Variants in MTERF3 observed in about 807,000 individuals in gnomAD.
The protein encoded by MTERF3 is transcription termination factor 3, mitochondrial.
In MTERF3, 40 loss-of-function variants were observed where a neutral mutation model predicts 40.5. That is an observed-to-expected ratio of 0.99 (90% CI 0.77 to 1.29). MTERF3 has a LOEUF of 1.29. Ranked by LOEUF, MTERF3 falls within the 50% of genes most tolerant of loss-of-function variation. The pLI, the probability that MTERF3 is intolerant of heterozygous loss-of-function variation, is 0.00. For missense variants in MTERF3, 452 were observed against 478.2 expected (o/e 0.95, Z 0.51); for synonymous variants, 158 against 166.6 (o/e 0.95, Z 0.40).
In MTERF3 at chr8:96,239,488, A is replaced by T; in HGVS notation, c.*3T>A. On this transcript the variant is annotated 3_prime_UTR_variant, in exon 8 of 8. Coordinates refer to ENST00000287025, the MANE Select transcript of MTERF3 (RefSeq NM_015942.5). ...AATACTGCATTTTAACATACATAAA[A>T]ATCTAAAGCGTTTTTAAGAATTTTT... The T allele has an allele frequency of 6.3e-7, 1 of 1,581,342 alleles. No homozygotes were observed. The highest frequency in any genetic ancestry group is 8.6e-7 in the Non-Finnish European group (1 of 1,166,642).
intron 1 of MTERF3, 150 bp downstream of exon 1, chr8:96,261,351 A>G (rs1487484639): frequency 1.3e-5 from 2 of 152,298 alleles, no homozygotes; most frequent in Admixed American, 6.5e-5. Flanking sequence ...TCAGCCAGGG[A>G]AAAACACAAA....
At chr8:96,241,372 T>G (rs894163391) in intron 7 of MTERF3, among the ~76,000 whole-genome samples, 4 of 150,612 alleles carry the variant, frequency 2.7e-5, no homozygotes, top group African/African-American at 7.4e-5. Context: ...ATCACGCCAC[T>G]GCACTCCAGC....
intron 3 of MTERF3, among the ~76,000 whole-genome samples, chr8:96,252,311 T>C (rs1439284458): frequency 6.6e-6 from 1 of 152,164 alleles, no homozygotes; most frequent in Non-Finnish European, 1.5e-5. Flanking sequence ...TCAAATCAAA[T>C]AGATAGACTA....
intron 4 of MTERF3, among the ~76,000 whole-genome samples, chr8:96,250,638 GAAGAAGAAGAAGAA>G (rs1810141599): frequency 4.3e-5 from 1 of 23,360 alleles, no homozygotes; most frequent in African/African-American, 2.0e-4. Flanking sequence ...AGAAGAAGAA[GAAGAAGAAGAAGAA>G]GAAGAAGAAG....
In MTERF3 at chr8:96,254,053, T is replaced by C. The variant is rs1482199138; in HGVS notation, c.487+2909A>G. ...ACTGTGTCTTAGGTTTTATCTTGTA[T>C]CATCCATAGCACCTGCCATAAGACA... is the stretch of plus-strand genomic sequence containing the variant. On this transcript the variant is annotated intron_variant, in intron 3 of 7. Transcript: ENST00000287025. Among the ~76,000 whole-genome samples the C allele has an allele frequency of 3.9e-5, 6 of 152,120 alleles. No homozygotes were observed. In the South Asian group the frequency reaches 1.2e-3, roughly 32 times the overall value.
At chr8:96,246,743 A>C (rs571067893) in intron 4 of MTERF3, among the ~76,000 whole-genome samples, 1 of 152,334 alleles carries the variant, frequency 6.6e-6, no homozygotes, top group East Asian at 1.9e-4. Flanking sequence ...CAATAGCAAA[A>C]ACATGATTAC....
At chr8:96,240,936 C>G (rs888127802) in intron 7 of MTERF3, among the ~76,000 whole-genome samples, 1 of 152,110 alleles carries the variant, frequency 6.6e-6, no homozygotes. Flanking sequence ...CAGGGTGTAC[C>G]TCAACATGGG....
Position 96,243,939 on chromosome 8 carries a change from TGTG to T in MTERF3, c.1036_1038del (p.His346del), listed in dbSNP as rs1809974684. ...ATTACCTGTGGGAACTTGACAATGA[TGTG>T]GTGGGGAATGCTCATCACATTGTGC... On this transcript the variant is annotated inframe_deletion, in exon 7 of 8. Transcript: ENST00000287025. 1.2e-6 allele frequency: 2 copies of T among 1,613,918 alleles called. No individual in the cohort carries two copies. Among genetic ancestry groups the T allele is most frequent in the Non-Finnish European group, 1.7e-6 (2 of 1,179,956 alleles).
At chr8:96,241,571 C>T (rs1477617646) in intron 7 of MTERF3, among the ~76,000 whole-genome samples, 2 of 152,148 alleles carry the variant, frequency 1.3e-5, no homozygotes, top group East Asian at 3.8e-4. Context: ...GTTTACTTCT[C>T]CAGTGGACCA....
At chr8:96,246,187 CA>C in intron 5 of MTERF3, 119 bp downstream of exon 5, 1 of 1,020,268 alleles carries the variant, frequency 9.8e-7, no homozygotes, top group South Asian at 1.8e-5. Context: ...CATTTTTGTA[CA>C]AAAAATACCA....
At chr8:96,252,020 C>T (rs1260453859) in intron 3 of MTERF3, among the ~76,000 whole-genome samples, 2 of 152,168 alleles carry the variant, frequency 1.3e-5, no homozygotes, top group Non-Finnish European at 2.9e-5. Flanking sequence ...GAATAAGTCT[C>T]ACGAGATCTG....
intron 6 of MTERF3, among the ~76,000 whole-genome samples, chr8:96,244,453 T>C (rs1363914507): frequency 6.7e-6 from 1 of 150,132 alleles, no homozygotes; most frequent in East Asian, 2.0e-4. Flanking sequence ...CAGGCTGGAG[T>C]GCGGTGGCAC....
rs1810176433 is a variant in MTERF3 at position 96,251,074 on chromosome 8, T to C, written c.509A>G (p.Glu170Gly). 1.3e-6 allele frequency: 2 copies of C among 1,586,478 alleles called. No homozygotes were observed. The highest frequency in any genetic ancestry group is 2.2e-5 in the East Asian group (1 of 44,558). Residue 170 changes from glutamate to glycine, a missense_variant, in exon 4 of 8, where the codon GAA becomes GGA. Physicochemically the swap from Glu to Gly is moderately conservative, Grantham distance 98. Coordinates refer to ENST00000287025, the MANE Select transcript of MTERF3 (RefSeq NM_015942.5). ...VLLGVDLSKI[E>G]KHPEAANLLL... ...GAGGTTTGCTGCTTCTGGATGTTTT[T>C]CTATCTTGGACAAATCCACGCCTAT...
chr8:96,255,763 G>A (rs1434268354), intron 3 of MTERF3, among the ~76,000 whole-genome samples: 1 of 151,894 alleles, frequency 6.6e-6, no homozygotes, highest in African/African-American at 2.4e-5. Context: ...AACAAAAAAT[G>A]AGATCCTTCT....
At chr8:96,245,101 C>T (rs759041488) in intron 6 of MTERF3, among the ~76,000 whole-genome samples, 11 of 152,010 alleles carry the variant, frequency 7.2e-5, no homozygotes, top group Non-Finnish European at 1.6e-4. Flanking sequence ...CTGTGTGCCC[C>T]CACCAAGTAA....
At chr8:96,250,775 G>A in intron 4 of MTERF3, 131 bp downstream of exon 4, 1 of 679,782 alleles carries the variant, frequency 1.5e-6, no homozygotes, top group South Asian at 2.0e-5. Context: ...GATCAAAGAA[G>A]GTCTATAACA....
chr8:96,249,373 G>C (rs1002534412), intron 4 of MTERF3, among the ~76,000 whole-genome samples: 5 of 152,186 alleles, frequency 3.3e-5, no homozygotes, highest in East Asian at 1.9e-4. Context: ...GCTGGTTTTT[G>C]ACTGCAGAGA....
At chr8:96,250,616 A>ACACCCAGCTACTTGG (rs1563548540) in intron 4 of MTERF3, among the ~76,000 whole-genome samples, 1 of 4,038 alleles carries the variant, frequency 2.5e-4, no homozygotes, top group East Asian at 3.9e-3. Context: ...AGGCTGAGGC[A>ACACCCAGCTACTTGG]GAAGAAGAAG....
intron 3 of MTERF3, 82 bp downstream of exon 3, chr8:96,256,880 T>TA: frequency 7.6e-7 from 1 of 1,311,440 alleles, no homozygotes; most frequent in Non-Finnish European, 1.0e-6. Context: ...CTACTTAGTA[T>TA]AGATTAAATT....
Sources: gnomAD v4.1 joint callset for allele counts (sites outside exome capture counted in the v4.1 genomes callset) on GRCh38, gnomAD v4.1.1 for gene constraint, MANE v1.5 for transcripts, NCBI Gene and HGNC (gene_info 2026-07-23, HGNC 2026-07-21) for gene names.